ELP6: variants seen among roughly 807,000 people sequenced by gnomAD.
The protein encoded by ELP6 is elongator acetyltransferase complex subunit 6.
Under a neutral mutation model 28.1 loss-of-function variants are expected in ELP6, and 23 were observed. That is an observed-to-expected ratio of 0.82 (90% CI 0.59 to 1.16). The LOEUF is 1.16. Among genes scored for constraint, ELP6 ranks in the 50% most tolerant of loss-of-function variants. The probability of loss-of-function intolerance (pLI) is 0.00; values close to 1 mark genes in which losing one functional copy is unlikely to be tolerated. For missense variants in ELP6, 313 were observed against 334.6 expected, an observed-to-expected ratio of 0.94 and a Z score of 0.50; for synonymous variants, 132 against 135.8, an observed-to-expected ratio of 0.97 and a Z score of 0.19.
chr3:47,498,525 A>G lies in ELP6; in HGVS notation c.526-93T>C. On this transcript the variant is annotated intron_variant, in intron 5 of 6. Transcript: ENST00000296149. ...CCTCTCGTTGCCTCCACTCCCCTGT[A>G]CATCCTCTCACAGATCACCCTCCCT... The G allele has an allele frequency of 1.9e-6, 3 of 1,548,998 alleles. No homozygotes were observed. In the African/African-American group the frequency reaches 4.0e-5, roughly 21 times the overall value.
chr3:47,500,560 TA>T (rs919478364), intron 5 of ELP6, among the ~76,000 whole-genome samples: 15 of 152,266 alleles, frequency 9.9e-5, no homozygotes, highest in African/African-American at 3.4e-4. Context: ...CTTTTTCAAC[TA>T]AAAGAAGTAT....
intron 4 of ELP6, among the ~76,000 whole-genome samples, chr3:47,503,617 T>C (rs906013824): frequency 1.3e-5 from 2 of 152,008 alleles, no homozygotes; most frequent in Admixed American, 6.6e-5. Flanking sequence ...AAAAAAGGAA[T>C]TTTGGCCGGG....
intron 6 of ELP6, chr3:47,496,647 A>C: frequency 1.6e-6 from 1 of 633,390 alleles, no homozygotes; most frequent in Non-Finnish European, 2.0e-6. Context: ...GGTGCGCATC[A>C]CCATGCCTGG....
Position 47,495,936 on chromosome 3 carries a change from C to CCT in ELP6, c.*131_*132dup. 1 of 1,503,012 alleles carries CCT rather than the reference C, an allele frequency of 6.7e-7. No individual in the cohort carries two copies. Among genetic ancestry groups the CCT allele is most frequent in the African/African-American group, 1.4e-5 (1 of 71,376 alleles). The allele number at this position is 1,503,012 out of a possible 1,614,324, so 93.1% of individuals were successfully genotyped here. ...GCATGCCATCACTGCAGCACTCAAC[C>CCT]CTCTGGTCACAGTGGAGTCGCCGGT... On this transcript the variant is annotated 3_prime_UTR_variant, in exon 7 of 7. Transcript: ENST00000296149.
intron 1 of ELP6, chr3:47,512,198 G>C: frequency 3.1e-6 from 1 of 318,574 alleles, no homozygotes; most frequent in Non-Finnish European, 4.5e-6. Flanking sequence ...TAGTATCCTG[G>C]TTGCCTGGAG....
At chr3:47,505,287 A>G (rs1466131754) in intron 3 of ELP6, among the ~76,000 whole-genome samples, 2 of 151,978 alleles carry the variant, frequency 1.3e-5, no homozygotes, top group Non-Finnish European at 2.9e-5. Context: ...ACAAACAAAC[A>G]AACAACAAAA....
At chr3:47,501,336 T>TA (rs889057499) in intron 5 of ELP6, among the ~76,000 whole-genome samples, 1 of 152,204 alleles carries the variant, frequency 6.6e-6, no homozygotes, top group Admixed American at 6.5e-5. Context: ...AGCTGATCTA[T>TA]AAAATACACT....
At chr3:47,507,377 A>G (rs1382861744) in intron 3 of ELP6, among the ~76,000 whole-genome samples, 1 of 151,706 alleles carries the variant, frequency 6.6e-6, no homozygotes, top group African/African-American at 2.4e-5. Context: ...AAAAAAAAAA[A>G]AACAAAAGCA....
chr3:47,511,558 C>T, intron 1 of ELP6: 33 of 883,162 alleles, frequency 3.7e-5, no homozygotes, highest in Non-Finnish European at 4.5e-5. Flanking sequence ...GGATCCTGAA[C>T]AAAGGATGCT....
intron 3 of ELP6, chr3:47,504,767 G>T: frequency 2.4e-6 from 1 of 413,540 alleles, no homozygotes. Context: ...ACAAGCCTGG[G>T]CAACATGGCA....
intron 5 of ELP6, chr3:47,499,664 G>C: frequency 1.2e-6 from 1 of 832,344 alleles, no homozygotes; most frequent in Non-Finnish European, 1.4e-6. Flanking sequence ...CTGCACTCTA[G>C]CCTGGGCAAC....
Position 47,501,785 on chromosome 3 carries a change from G to GTCTACTGGCTTCAGGGCC in ELP6, c.372_389dup (p.Glu124_Val129dup). 1 of 1,614,022 alleles carries GTCTACTGGCTTCAGGGCC rather than the reference G, an allele frequency of 6.2e-7. No homozygotes were observed. The highest frequency in any genetic ancestry group is 8.5e-7 in the Non-Finnish European group (1 of 1,180,004). On this transcript the variant is annotated inframe_insertion, in exon 5 of 7. Transcript: ENST00000296149. ...GGTACGTCCACCGAGCCTCTCCACT[G>GTCTACTGGCTTCAGGGCC]TCTACTGGCTTCAGGGCCTCCCGTA...
rs536437610 is a variant in ELP6, at chr3:47,501,938, G to C, written c.324-87C>G. ...AAGTAGCACGACAGGAGAGGGCTAA[G>C]GGGGACAAAGAACTGTATCACAATT... On this transcript the variant is annotated intron_variant, in intron 4 of 6. Coordinates refer to ENST00000296149, the MANE Select transcript of ELP6 (RefSeq NM_001031703.3). The C allele has an allele frequency of 1.2e-5, 15 of 1,252,240 alleles. 2 individuals are homozygous for C. In the South Asian group the frequency reaches 2.1e-4, roughly 17 times the overall value. The allele number at this position is 1,252,240 out of a possible 1,614,324, so 77.6% of individuals were successfully genotyped here. A position where few individuals can be genotyped will look rare whatever the true frequency, so the allele number is the denominator to read the frequency against.
chr3:47,496,725 C>T, intron 6 of ELP6: 8 of 920,940 alleles, frequency 8.7e-6, no homozygotes, highest in Non-Finnish European at 9.1e-6. Flanking sequence ...GAACTCTGAC[C>T]TCAGGTGATC....
chr3:47,503,303 G>A (rs192404199), intron 4 of ELP6: 181 of 1,288,100 alleles, frequency 1.4e-4, no homozygotes, highest in Non-Finnish European at 1.7e-4. Context: ...GGACCACTTT[G>A]TAGTGGACGA....
chr3:47,505,026 G>A (rs1025012905), intron 3 of ELP6, among the ~76,000 whole-genome samples: 11 of 152,084 alleles, frequency 7.2e-5, no homozygotes, highest in African/African-American at 2.7e-4. Context: ...CAGCACTTTG[G>A]GAGGCCAAAG....
rs1215931289 is a variant in ELP6 at position 47,504,325 on chromosome 3, C to A, written c.323+5G>T. ...GCTTCCGGGCTGGGCTGTAGGCTGA[C>A]TGACCTGAGAAACTGCAGGGGGTGT... On this transcript the variant is annotated splice_donor_5th_base_variant and intron_variant, in intron 4 of 6. Coordinates refer to ENST00000296149, the MANE Select transcript of ELP6 (RefSeq NM_001031703.3). 6.3e-7 allele frequency: 1 copy of A among 1,599,972 alleles called. No homozygotes were observed. The highest frequency in any genetic ancestry group is 2.3e-5 in the East Asian group (1 of 44,136).
At chr3:47,498,569 CCCTA>C in intron 5 of ELP6, 137 bp from the exon 6 acceptor site, 1 of 1,504,928 alleles carries the variant, frequency 6.6e-7, no homozygotes, top group African/African-American at 1.4e-5. Context: ...TACAGCCAGC[CCCTA>C]CCTGTGCTCC....
At chr3:47,497,796 G>A (rs1339639712) in intron 6 of ELP6, 1 of 197,862 alleles carries the variant, frequency 5.1e-6, no homozygotes, top group East Asian at 1.9e-4. Flanking sequence ...GCCGGGCATG[G>A]CAGTGGGTGC....
Sources: allele counts gnomAD v4.1 joint callset (sites outside exome capture counted in the v4.1 genomes callset), GRCh38; gene constraint gnomAD v4.1.1; transcripts MANE v1.5; gene names NCBI Gene and HGNC (gene_info 2026-07-23, HGNC 2026-07-21).